Variants in TP53BP1 observed in about 807,000 individuals in gnomAD.
The protein encoded by TP53BP1 is tumor protein p53 binding protein 1, also known as TP53-binding protein 1.
A neutral mutation model predicts 200.8 loss-of-function variants in TP53BP1; 61 were observed. The ratio of observed to expected loss-of-function variants is 0.30; its 90% CI spans 0.25 to 0.38. The LOEUF is 0.38. TP53BP1 is among the 10% of genes least tolerant of loss of function. TP53BP1 has a pLI of 1.00. For synonymous variants in TP53BP1, 822 were observed against 844.3 expected, an observed-to-expected ratio of 0.97 and a Z score of 0.46; for missense variants, 2,144 against 2,371.9, an observed-to-expected ratio of 0.90 and a Z score of 2.00.
intron 15 of TP53BP1, 42 bp downstream of exon 15, chr15:43,441,484 T>C (rs758688231): frequency 1.5e-6 from 2 of 1,322,298 alleles, no homozygotes; most frequent in Non-Finnish European, 2.2e-6. Context: ...TCATCACCAG[T>C]AGCTGTGTAT....
At chr15:43,435,580 A>G (rs1181372026) in intron 16 of TP53BP1, among the ~76,000 whole-genome samples, 1 of 152,234 alleles carries the variant, frequency 6.6e-6, no homozygotes, top group African/African-American at 2.4e-5. Flanking sequence ...GATTCCCAAG[A>G]ATATCAACAA....
chr15:43,432,667 G>A lies in TP53BP1; in HGVS notation c.3202C>T (p.Leu1068Phe), dbSNP rs1236624595. The change falls in exon 17 of 28, where the codon CTC becomes TTC. Residue 1068 changes from leucine to phenylalanine, a missense_variant. Physicochemically the swap from Leu to Phe is conservative, Grantham distance 22 (BLOSUM62 0). This residue lies in a region of TP53BP1 where 1,700 missense variants were observed against 1,710.3 expected (regional missense o/e 0.99). Transcript: ENST00000382044. ...PPTTPIRGNL[L>F]HFPSSQGEEE... ...TCTCCTTGAGAACTTGGAAAGTGGAGCAAGTTCCCCCTGAAAATGCAACAT... is the reference window on the plus strand; with the variant it reads ...TCTCCTTGAGAACTTGGAAAGTGGAACAAGTTCCCCCTGAAAATGCAACAT... The A allele has an allele frequency of 6.2e-7, 1 of 1,601,528 alleles. No homozygotes were observed. The highest frequency in any genetic ancestry group is 1.1e-5 in the South Asian group (1 of 90,244).
chr15:43,441,575 T>C lies in TP53BP1; in HGVS notation c.3049A>G (p.Thr1017Ala), dbSNP rs773587231. 1.9e-6 allele frequency: 3 copies of C among 1,612,424 alleles called. No individual in the cohort carries two copies. The Admixed American group carries it at 5.0e-5, about 27-fold the overall frequency. ...GTAGATCCATTTTTTCTTTCACCAG[T>C]TGCAGGCTCTGAATAAAAACAAAAC... ...SLQFNLEKPA[T>A]GERKNGSTAV... The change falls in exon 15 of 28, where the codon ACT becomes GCT. Residue 1017 changes from threonine to alanine, a missense_variant. Around this residue, in one of 4 missense-constraint regions of TP53BP1, gnomAD observed 1,700 missense variants for 1,710.3 expected, o/e 0.99. Transcript: ENST00000382044.
intron 1 of TP53BP1, among the ~76,000 whole-genome samples, chr15:43,503,647 A>C (rs1328110633): frequency 6.6e-6 from 1 of 152,086 alleles, no homozygotes; most frequent in Non-Finnish European, 1.5e-5. Flanking sequence ...CAACAGAGCA[A>C]GACTCCATCT....
In TP53BP1 at chr15:43,428,146, G is replaced by C; in HGVS notation, c.3698C>G (p.Pro1233Arg). The C allele has an allele frequency of 6.2e-7, 1 of 1,613,846 alleles. No homozygotes were observed. Among genetic ancestry groups the C allele is most frequent in the Non-Finnish European group, 8.5e-7 (1 of 1,179,868 alleles). ...TAAGACATGGCCATGTGGAGGCTGA[G>C]GCATATCAAACTCTTCTTCTCCCTG... ...HSQGEEEFDM[P>R]QPPHGHVLHR... Residue 1233 changes from proline to arginine, a missense_variant, in exon 18 of 28, where the codon CCT becomes CGT. Transcript: ENST00000382044.
intron 1 of TP53BP1, among the ~76,000 whole-genome samples, chr15:43,507,529 C>T (rs541895258): frequency 1.3e-5 from 2 of 152,314 alleles, no homozygotes; most frequent in South Asian, 4.1e-4. Context: ...TGAATTGCAT[C>T]GTTTTACTAC....
At chr15:43,494,142 T>A (rs1436289812), upstream of TP53BP1, among the ~76,000 whole-genome samples, 1 of 152,148 alleles carries the variant, frequency 6.6e-6, no homozygotes, top group African/African-American at 2.4e-5. Flanking sequence ...AGGATAGAAT[T>A]CTAGCCAGAG....
Position 43,474,768 on chromosome 15 carries a change from C to T in TP53BP1, c.1086-1G>A. The T allele has an allele frequency of 6.3e-7, 1 of 1,596,404 alleles. No homozygotes were observed. Among genetic ancestry groups the T allele is most frequent in the Non-Finnish European group, 8.6e-7 (1 of 1,164,406 alleles). ...AGGAGCAACAAGATCTGAAGAATTC[C>T]TTTATATAAAGAGAGAATCACAGGT... On this transcript the variant is annotated splice_acceptor_variant, in intron 9 of 27. Coordinates refer to ENST00000382044, the MANE Select transcript of TP53BP1 (RefSeq NM_001141980.3). LOFTEE classifies it high-confidence loss of function.
Position 43,415,639 on chromosome 15 carries a change from G to A in TP53BP1, c.5044C>T (p.Arg1682Trp), listed in dbSNP as rs775609565. 19 of 1,614,050 alleles carry A rather than the reference G, an allele frequency of 1.2e-5. No homozygotes were observed. Among genetic ancestry groups the A allele is most frequent in the African/African-American group, 4.0e-5 (3 of 74,910 alleles). Residue 1682 changes from arginine (R) to tryptophan (W), a missense_variant, in exon 23 of 28, where the codon CGG becomes TGG. Arg to Trp is a moderately radical substitution (Grantham distance 101). Coordinates refer to ENST00000382044, the MANE Select transcript of TP53BP1 (RefSeq NM_001141980.3). ...TTGCGACCTCGCTTGGCAGGGGACCGTTCCTCTTCAGAAGTGATAAGTTTT... is the reference window on the plus strand; with the variant it reads ...TTGCGACCTCGCTTGGCAGGGGACCATTCCTCTTCAGAAGTGATAAGTTTT... Reference protein sequence around the residue: ...KRKLITSEEERSPAKRGRKSA... With the variant: ...KRKLITSEEEWSPAKRGRKSA...
chr15:43,431,092 A>G (rs928904375), intron 17 of TP53BP1, among the ~76,000 whole-genome samples: 1 of 152,194 alleles, frequency 6.6e-6, no homozygotes, highest in Non-Finnish European at 1.5e-5. Context: ...GAGCATATAT[A>G]GCATATGGAT....
chr15:43,404,501 T>TA lies in TP53BP1; in HGVS notation c.*2881dup. The TA allele has an allele frequency of 6.2e-7, 1 of 1,614,204 alleles. No homozygotes were observed. Among genetic ancestry groups the TA allele is most frequent in the Non-Finnish European group, 8.5e-7 (1 of 1,180,042 alleles). On this transcript the variant is annotated 3_prime_UTR_variant, in exon 28 of 28. Coordinates refer to ENST00000382044, the MANE Select transcript of TP53BP1 (RefSeq NM_001141980.3). ...AACTCAGATTTGGCTCAACTACTGT[T>TA]ACGACTAGATTATAACAAATACTAT...
chr15:43,474,395 C>G (rs966547911), intron 10 of TP53BP1, among the ~76,000 whole-genome samples: 1 of 143,482 alleles, frequency 7.0e-6, no homozygotes, highest in Non-Finnish European at 1.5e-5. Flanking sequence ...GAGGAGGCGC[C>G]GAGAGCGAGC....
At chr15:43,408,731 A>T in intron 26 of TP53BP1, 166 bp downstream of exon 26, 1 of 657,104 alleles carries the variant, frequency 1.5e-6, no homozygotes, top group Non-Finnish European at 2.6e-6. Flanking sequence ...AATGTAACCT[A>T]GGGAAATAAA....
Position 43,492,359 on chromosome 15 carries a change from A to G in TP53BP1, c.117T>C (p.Asp39=), listed in dbSNP as rs1464629899. 6.2e-7 allele frequency: 1 copy of G among 1,614,162 alleles called. No individual in the cohort carries two copies. The highest frequency in any genetic ancestry group is 8.5e-7 in the Non-Finnish European group (1 of 1,179,984). Residue 39 remains aspartate, a synonymous_variant, in exon 2 of 28, where the codon GAT becomes GAC. Coordinates refer to ENST00000382044, the MANE Select transcript of TP53BP1 (RefSeq NM_001141980.3). Reference sequence around the variant, plus strand: ...GCATACTGAAGTGAGAACCAGAATCATCCTCTAGAACCTGGCTTTCAGGCT... The same window carrying G: ...GCATACTGAAGTGAGAACCAGAATCGTCCTCTAGAACCTGGCTTTCAGGCT... The part of the protein sequence containing the change: ...DSQPESQVLE[D]DSGSHFSMLS...
intron 1 of TP53BP1, among the ~76,000 whole-genome samples, chr15:43,508,568 G>A (rs540983085): frequency 3.3e-5 from 5 of 152,142 alleles, no homozygotes; most frequent in Non-Finnish European, 7.4e-5. Context: ...AGAGTTTGAG[G>A]TTACAGTGAG....
At chr15:43,419,989 C>T (rs372781883) in intron 21 of TP53BP1, among the ~76,000 whole-genome samples, 5 of 152,164 alleles carry the variant, frequency 3.3e-5, no homozygotes, top group African/African-American at 9.7e-5. Context: ...TTTTGACAAA[C>T]GTCCCATACT....
At chr15:43,453,582 CTT>C (rs886890330) in intron 12 of TP53BP1, among the ~76,000 whole-genome samples, 4 of 144,052 alleles carry the variant, frequency 2.8e-5, no homozygotes, top group Non-Finnish European at 3.1e-5. Context: ...TAAATAGGGA[CTT>C]TTTTTTTTTT....
intron 17 of TP53BP1, among the ~76,000 whole-genome samples, chr15:43,430,250 C>T (rs2045639146): frequency 6.6e-6 from 1 of 151,800 alleles, no homozygotes; most frequent in African/African-American, 2.4e-5. Context: ...TATGCTTTTC[C>T]ACTAGCACTA....
At chr15:43,414,174 C>T (rs2045204678) in intron 23 of TP53BP1, 2 of 459,546 alleles carry the variant, frequency 4.4e-6, no homozygotes, top group South Asian at 1.6e-5. Flanking sequence ...GTTATATGAA[C>T]GAGGCTGGAA....
Sources: allele counts gnomAD v4.1 joint callset (sites outside exome capture counted in the v4.1 genomes callset), GRCh38; gene constraint gnomAD v4.1.1; regional missense constraint gnomAD v4.1.1; transcripts MANE v1.5; gene names NCBI Gene and HGNC (gene_info 2026-07-23, HGNC 2026-07-21).